Variants in EEFSEC observed in about 807,000 individuals in gnomAD.
The protein encoded by EEFSEC is selenocysteine-specific elongation factor.
Under a neutral mutation model 42.1 loss-of-function variants are expected in EEFSEC, and 43 were observed. That is an observed-to-expected ratio of 1.02 (90% CI 0.80 to 1.32). The LOEUF (loss-of-function observed/expected upper bound fraction) is 1.32, where lower values mean the gene tolerates loss of function less well. EEFSEC is among the 40% of genes most tolerant of loss of function. The pLI is 0.00. For missense variants in EEFSEC, 745 were observed against 803.6 expected (o/e 0.93, Z 0.88); for synonymous variants, 354 against 339.1 (o/e 1.04, Z -0.48).
intron 1 of EEFSEC, among the ~76,000 whole-genome samples, chr3:128,238,535 G>A (rs1001083341): frequency 2.0e-5 from 3 of 152,140 alleles, no homozygotes; most frequent in Non-Finnish European, 2.9e-5. Context: ...TTTTCTTTGA[G>A]CTTGCTCTGT....
chr3:128,330,116 A>G (rs1247769737), intron 4 of EEFSEC, among the ~76,000 whole-genome samples: 1 of 152,218 alleles, frequency 6.6e-6, no homozygotes, highest in Non-Finnish European at 1.5e-5. Context: ...GCATTGCTGT[A>G]ATTCATTTAA....
chr3:128,361,272 C>T (rs1455079038), intron 6 of EEFSEC, among the ~76,000 whole-genome samples: 1 of 152,160 alleles, frequency 6.6e-6, no homozygotes, highest in East Asian at 1.9e-4. Context: ...TTGAAGAGGC[C>T]AGGTGGCAGG....
chr3:128,212,380 G>A (rs1576549127), intron 1 of EEFSEC, among the ~76,000 whole-genome samples: 3 of 152,186 alleles, frequency 2.0e-5, no homozygotes, highest in African/African-American at 7.2e-5. Flanking sequence ...CAGCCACCAT[G>A]CTTCTGCTGG....
At position 128,392,395 on chromosome 3, in the gene EEFSEC, G is replaced by C. The variant is rs1388787274; in HGVS notation, c.1601-15674G>C. 2.0e-5 allele frequency among the ~76,000 whole-genome samples: 3 copies of C among 152,348 alleles called. No homozygotes were observed. The East Asian group carries it at 5.8e-4, about 29-fold the overall frequency. On this transcript the variant is annotated intron_variant, in intron 6 of 6. Transcript: ENST00000254730. ...TCCACATGTGGGCCCTGCCCACCAGGCATGCAGTCTTGCACAGACGGGGCC... is the reference window on the plus strand; with the variant it reads ...TCCACATGTGGGCCCTGCCCACCAGCCATGCAGTCTTGCACAGACGGGGCC...
intron 1 of EEFSEC, among the ~76,000 whole-genome samples, chr3:128,170,782 A>G (rs1024391596): frequency 1.3e-5 from 2 of 152,206 alleles, no homozygotes; most frequent in Non-Finnish European, 2.9e-5. Flanking sequence ...AGGTTCGTTA[A>G]TAGTTTCTAA....
Position 128,327,621 on chromosome 3 carries a change from G to A in EEFSEC, c.787-13612G>A, listed in dbSNP as rs568225334. On this transcript the variant is annotated intron_variant, in intron 4 of 6. Coordinates refer to ENST00000254730, the MANE Select transcript of EEFSEC (RefSeq NM_021937.5). ...GCCATGAAGAATGAGTGCTGGGAAA[G>A]ATGTGCAGGAAGGCATTCCACATGG... 2.0e-5 allele frequency among the ~76,000 whole-genome samples: 3 copies of A among 152,332 alleles called. No individual in the cohort carries two copies. The South Asian group carries it at 6.2e-4, about 32-fold the overall frequency.
At chr3:128,349,713 G>C (rs1289246817) in intron 5 of EEFSEC, among the ~76,000 whole-genome samples, 1 of 152,336 alleles carries the variant, frequency 6.6e-6, no homozygotes, top group African/African-American at 2.4e-5. Flanking sequence ...AGGGGGTCCT[G>C]CCAGCTCTTA....
At chr3:128,418,086 AC>A in the EEFSEC span, among the ~76,000 whole-genome samples, 10 of 151,684 alleles carry the variant, frequency 6.6e-5, 1 homozygote, top group South Asian at 1.5e-3. Flanking sequence ...TGTGGCCGGC[AC>A]CTCCCAAACC....
intron 1 of EEFSEC, among the ~76,000 whole-genome samples, chr3:128,217,172 G>A (rs2065819004): frequency 6.6e-6 from 1 of 152,150 alleles, no homozygotes; most frequent in Non-Finnish European, 1.5e-5. Context: ...ACCATTCTAA[G>A]GGCCTTCTAT....
At chr3:128,368,458 CAAA>C (rs1553760866) in intron 6 of EEFSEC, among the ~76,000 whole-genome samples, 1 of 148,600 alleles carries the variant, frequency 6.7e-6, no homozygotes, top group Non-Finnish European at 1.5e-5. Context: ...AAAAAAAAAA[CAAA>C]AAAAGAAGTA....
At chr3:128,264,540 A>G in intron 3 of EEFSEC, 77 bp from the exon 4 acceptor site, 1 of 1,517,252 alleles carries the variant, frequency 6.6e-7, no homozygotes, top group South Asian at 1.2e-5. Flanking sequence ...CTGGTCAGCC[A>G]CATTCTCTGC....
At position 128,207,843 on chromosome 3, in the gene EEFSEC, G is replaced by T. The variant is rs564823529; in HGVS notation, c.317-38993G>T. Among the ~76,000 whole-genome samples the T allele has an allele frequency of 2.0e-5, 3 of 152,260 alleles. No homozygotes were observed. In the East Asian group the frequency reaches 5.8e-4, roughly 29 times the overall value. ...ACGGACCCCTGAGAATTTCTGAAAG[G>T]TTCTAGAGAGAGTTTCGACATTCAT... On this transcript the variant is annotated intron_variant, in intron 1 of 6. Transcript: ENST00000254730.
intron 4 of EEFSEC, among the ~76,000 whole-genome samples, chr3:128,268,763 G>C (rs2066382590): frequency 6.6e-6 from 1 of 152,140 alleles, no homozygotes; most frequent in African/African-American, 2.4e-5. Context: ...CAGAAGCCAG[G>C]AGAGAGGCAT....
At chr3:128,391,798 G>T (rs1196718296) in intron 6 of EEFSEC, among the ~76,000 whole-genome samples, 22 of 152,238 alleles carry the variant, frequency 1.4e-4, no homozygotes, top group Admixed American at 1.4e-3. Context: ...CAGAGTCTGG[G>T]ACAGTGCCTG....
At chr3:128,236,858 TCTCCCCAGGATGCTTAGC>T (rs1444881689) in intron 1 of EEFSEC, among the ~76,000 whole-genome samples, 1 of 152,240 alleles carries the variant, frequency 6.6e-6, no homozygotes, top group African/African-American at 2.4e-5. Context: ...TCCTGCTCTT[TCTCCCCAGGATGCTTAGC>T]CTCTCTGACC....
At chr3:128,393,989 G>A (rs1282393135) in intron 6 of EEFSEC, among the ~76,000 whole-genome samples, 2 of 151,908 alleles carry the variant, frequency 1.3e-5, no homozygotes, top group African/African-American at 2.4e-5. Flanking sequence ...CAGAAAGCGT[G>A]TGGGCATTCC....
At position 128,317,205 on chromosome 3, in the gene EEFSEC, G is replaced by A. The variant is rs930980801; in HGVS notation, c.787-24028G>A. Among the ~76,000 whole-genome samples, 14 of 152,166 alleles carry A rather than the reference G, an allele frequency of 9.2e-5. No individual in the cohort carries two copies. The highest frequency in any genetic ancestry group is 3.4e-4 in the African/African-American group (14 of 41,436). On this transcript the variant is annotated intron_variant, in intron 4 of 6. Coordinates refer to ENST00000254730, the MANE Select transcript of EEFSEC (RefSeq NM_021937.5). This position sits in a 1 kb window ranked among gnomAD's most constrained non-coding sequence, Gnocchi z 4.1. ...CCCGCAGAAGCAGTGCGTGCTGCTG[G>A]CTGGGGGACGACAGCCAGCATTCCC...
At chr3:128,174,095 T>C (rs2065325293) in intron 1 of EEFSEC, among the ~76,000 whole-genome samples, 1 of 152,204 alleles carries the variant, frequency 6.6e-6, no homozygotes, top group African/African-American at 2.4e-5. Flanking sequence ...GAAACATTGC[T>C]CTGGCCGCTG....
At chr3:128,328,531 A>C (rs1281010716) in intron 4 of EEFSEC, among the ~76,000 whole-genome samples, 1 of 152,238 alleles carries the variant, frequency 6.6e-6, no homozygotes, top group Non-Finnish European at 1.5e-5. Flanking sequence ...ATGGAATGTC[A>C]TAAAGCTCTT....
Sources: gnomAD v4.1 joint callset for allele counts (sites outside exome capture counted in the v4.1 genomes callset) on GRCh38, gnomAD v4.1.1 for gene constraint, Gnocchi (gnomAD v3.1) non-coding constraint, MANE v1.5 for transcripts, NCBI Gene and HGNC (gene_info 2026-07-23, HGNC 2026-07-21) for gene names.